SNTG1: variants seen among roughly 807,000 people sequenced by gnomAD.
SNTG1 encodes the protein syntrophin gamma 1.
SNTG1 carries 39 observed loss-of-function variants against 74.7 expected under a neutral mutation model. The ratio of observed to expected loss-of-function variants is 0.52; its 90% CI spans 0.40 to 0.68. SNTG1 has a LOEUF of 0.68. SNTG1 is among the 30% of genes least tolerant of loss of function. The probability of loss-of-function intolerance (pLI) is 0.00; values close to 1 mark genes in which losing one functional copy is unlikely to be tolerated. For synonymous variants in SNTG1, 254 were observed against 217.1 expected, an observed-to-expected ratio of 1.17 and a Z score of -1.49; for missense variants, 685 against 609.5, an observed-to-expected ratio of 1.12 and a Z score of -1.30.
intron 9 of SNTG1, among the ~76,000 whole-genome samples, chr8:50,506,699 T>C (rs1169984710): frequency 6.6e-6 from 1 of 152,080 alleles, no homozygotes; most frequent in African/African-American, 2.4e-5. Context: ...AGATCTAACA[T>C]TTTTGTGTGT....
At chr8:50,288,804 T>TAAA (rs1157035220) in intron 2 of SNTG1, among the ~76,000 whole-genome samples, 1 of 152,204 alleles carries the variant, frequency 6.6e-6, no homozygotes, top group Non-Finnish European at 1.5e-5. Flanking sequence ...CTTAAAGCTT[T>TAAA]ATTCTTACTC....
intron 17 of SNTG1, among the ~76,000 whole-genome samples, chr8:50,714,217 C>T (rs10958055): frequency 0.2 from 31,024 of 151,884 alleles, 3,270 homozygotes; most frequent in South Asian, 0.31. Context: ...TACCAGTAAC[C>T]ATGCTGACTT....
At chr8:50,049,403 T>C (rs917497452) in intron 1 of SNTG1, among the ~76,000 whole-genome samples, 2 of 151,994 alleles carry the variant, frequency 1.3e-5, no homozygotes, top group Non-Finnish European at 2.9e-5. Flanking sequence ...ATAAAGGAGG[T>C]CATTATTATA....
intron 13 of SNTG1, among the ~76,000 whole-genome samples, chr8:50,621,768 G>A (rs2094924953): frequency 6.6e-6 from 1 of 152,114 alleles, no homozygotes; most frequent in Non-Finnish European, 1.5e-5. Context: ...AATCAACTTG[G>A]AAATGAAATT....
intron 2 of SNTG1, among the ~76,000 whole-genome samples, chr8:50,213,840 G>A (rs1208268999): frequency 6.6e-6 from 1 of 151,846 alleles, no homozygotes; most frequent in Non-Finnish European, 1.5e-5. Flanking sequence ...CCCTTTGTCA[G>A]ATGAGTAGGT....
intron 2 of SNTG1, among the ~76,000 whole-genome samples, chr8:50,246,041 A>G (rs1276761317): frequency 6.6e-6 from 1 of 151,664 alleles, no homozygotes; most frequent in Non-Finnish European, 1.5e-5. Flanking sequence ...TTAAAGAAAA[A>G]CAGTGGAAAA....
chr8:50,596,961 A>G (rs970246711), intron 13 of SNTG1, among the ~76,000 whole-genome samples: 2 of 151,900 alleles, frequency 1.3e-5, no homozygotes, highest in African/African-American at 2.4e-5. Context: ...TTTACACTAC[A>G]TGGTTATTTG....
At chr8:50,589,665 AGT>A (rs758390911) in intron 12 of SNTG1, among the ~76,000 whole-genome samples, 34 of 152,200 alleles carry the variant, frequency 2.2e-4, no homozygotes, top group South Asian at 8.3e-4. Flanking sequence ...ATAAAATATT[AGT>A]TGAATTTTAG....
At position 50,419,837 on chromosome 8, in the gene SNTG1, CA is replaced by C. The variant is rs1466093230; in HGVS notation, c.162+17501del. Among the ~76,000 whole-genome samples the C allele has an allele frequency of 2.7e-5, 4 of 150,768 alleles. No homozygotes were observed. In the East Asian group the frequency reaches 7.8e-4, roughly 30 times the overall value. On this transcript the variant is annotated intron_variant, in intron 4 of 18. Transcript: ENST00000642720. The stretch of plus-strand genomic sequence containing the variant: ...AAATGAGAAAATAGAATATCTCAGC[CA>C]AAAAAAATTCAAAATTATTGAACTA...
chr8:50,717,823 A>G (rs2095478503), intron 17 of SNTG1, among the ~76,000 whole-genome samples: 2 of 152,206 alleles, frequency 1.3e-5, no homozygotes, highest in Non-Finnish European at 2.9e-5. Context: ...AAAGAGATGA[A>G]CATTTCTGCC....
intron 2 of SNTG1, among the ~76,000 whole-genome samples, chr8:50,324,930 A>G (rs1261539044): frequency 9.9e-6 from 1 of 101,024 alleles, no homozygotes; most frequent in East Asian, 2.9e-4. Flanking sequence ...GTGTGTGTGC[A>G]TTTTATACAT....
At chr8:50,055,460 T>G (rs1231104084) in intron 1 of SNTG1, among the ~76,000 whole-genome samples, 1 of 152,134 alleles carries the variant, frequency 6.6e-6, no homozygotes, top group Non-Finnish European at 1.5e-5. Flanking sequence ...TGCTCCTGTT[T>G]CTTTAAATTG....
intron 1 of SNTG1, among the ~76,000 whole-genome samples, chr8:49,964,129 G>T (rs769619035): frequency 6.6e-6 from 1 of 152,200 alleles, no homozygotes; most frequent in Non-Finnish European, 1.5e-5. Context: ...CATTATTCTA[G>T]ATGTTCCTGT....
intron 1 of SNTG1, among the ~76,000 whole-genome samples, chr8:49,969,917 CCTG>C (rs948338951): frequency 1.0e-4 from 8 of 77,408 alleles, no homozygotes; most frequent in African/African-American, 3.5e-4. Context: ...GAATAAAAAA[CCTG>C]TGTGTGTGTG....
At chr8:50,588,564 G>A (rs1361141917) in intron 12 of SNTG1, among the ~76,000 whole-genome samples, 1 of 152,090 alleles carries the variant, frequency 6.6e-6, no homozygotes, top group African/African-American at 2.4e-5. Context: ...ACAAATTTCA[G>A]TAGAAATCAG....
At chr8:50,337,496 A>G (rs1440773833) in intron 2 of SNTG1, among the ~76,000 whole-genome samples, 1 of 152,242 alleles carries the variant, frequency 6.6e-6, no homozygotes, top group Non-Finnish European at 1.5e-5. Flanking sequence ...GGAAAGGAGA[A>G]AAGCAACCAT....
At chr8:50,327,199 G>A (rs1326360481) in intron 2 of SNTG1, among the ~76,000 whole-genome samples, 2 of 152,100 alleles carry the variant, frequency 1.3e-5, no homozygotes, top group Non-Finnish European at 2.9e-5. Context: ...GGTTAATATT[G>A]AGTTCAACTA....
At chr8:50,169,113 A>G (rs979496811) in intron 1 of SNTG1, among the ~76,000 whole-genome samples, 1 of 152,064 alleles carries the variant, frequency 6.6e-6, no homozygotes, top group Non-Finnish European at 1.5e-5. Context: ...TAACTTTTCC[A>G]TCTTTGTCAT....
intron 12 of SNTG1, among the ~76,000 whole-genome samples, chr8:50,590,456 A>T (rs1185448452): frequency 6.6e-6 from 1 of 152,084 alleles, no homozygotes; most frequent in African/African-American, 2.4e-5. Context: ...TGTTCAACAC[A>T]CATACTTTAT....
Sources: gnomAD v4.1 joint callset for allele counts (sites outside exome capture counted in the v4.1 genomes callset) on GRCh38, gnomAD v4.1.1 for gene constraint, MANE v1.5 for transcripts, NCBI Gene and HGNC (gene_info 2026-07-23, HGNC 2026-07-21) for gene names.